The following OSBPL9 variants were observed in gnomAD, a reference collection of about 807,000 sequenced individuals.
The protein encoded by OSBPL9 is oxysterol binding protein like 9, also known as oxysterol-binding protein-related protein 9.
Under a neutral mutation model 106.6 loss-of-function variants are expected in OSBPL9, and 40 were observed. The observed-to-expected ratio is 0.38, with a 90% CI of 0.29 to 0.49. The LOEUF is 0.49. Among genes scored for constraint, OSBPL9 ranks in the 20% least tolerant of loss-of-function variants. The pLI is 0.97. For missense variants in OSBPL9, 609 were observed against 887.2 expected (o/e 0.69, Z 3.98); for synonymous variants, 269 against 295.4 (o/e 0.91, Z 0.92).
chr1:51,596,516 G>A (rs1399081137), intron 1 of OSBPL9, among the ~76,000 whole-genome samples: 5 of 138,954 alleles, frequency 3.6e-5, no homozygotes, highest in Non-Finnish European at 6.0e-5. Context: ...CCGAGAGCAC[G>A]CCACTGCACT....
chr1:51,711,032 CTT>C (rs60016006), intron 3 of OSBPL9, among the ~76,000 whole-genome samples: 2 of 144,802 alleles, frequency 1.4e-5, no homozygotes, highest in Non-Finnish European at 3.0e-5. Context: ...TCTATATTTT[CTT>C]TTTTTTTTTT....
the OSBPL9 span, chr1:51,567,505 C>G: frequency 6.6e-6 from 1 of 152,240 alleles, no homozygotes; most frequent in East Asian, 1.9e-4. Context: ...TCTCCCATGT[C>G]TAGCAGTGGG....
the OSBPL9 span, among the ~76,000 whole-genome samples, chr1:51,570,041 A>G: frequency 6.6e-6 from 1 of 152,302 alleles, no homozygotes; most frequent in South Asian, 2.1e-4. Flanking sequence ...TCTGCATACC[A>G]TGCTACCTCT....
At chr1:51,615,625 A>T (rs1644034523), upstream of OSBPL9, among the ~76,000 whole-genome samples, 2 of 152,284 alleles carry the variant, frequency 1.3e-5, no homozygotes, top group East Asian at 1.9e-4. Context: ...TAATAATTTT[A>T]AAAAAGGACA....
intron 15 of OSBPL9, among the ~76,000 whole-genome samples, chr1:51,780,003 G>A (rs1211121571): frequency 2.0e-5 from 3 of 151,656 alleles, no homozygotes; most frequent in Non-Finnish European, 4.4e-5. Context: ...GCGTGAACCC[G>A]GCAGGTGGAG....
chr1:51,722,179 A>ATAGATAGG (rs1157737923), intron 4 of OSBPL9, among the ~76,000 whole-genome samples: 1 of 150,690 alleles, frequency 6.6e-6, no homozygotes, highest in African/African-American at 2.5e-5. Flanking sequence ...AGATAGATAG[A>ATAGATAGG]TAGATAGATA....
chr1:51,564,361 T>A, the OSBPL9 span, among the ~76,000 whole-genome samples: 1 of 152,086 alleles, frequency 6.6e-6, no homozygotes, highest in Non-Finnish European at 1.5e-5. Flanking sequence ...CATGGGCCCT[T>A]ATTGTTATAA....
intron 4 of OSBPL9, among the ~76,000 whole-genome samples, chr1:51,742,019 G>A (rs1026034064): frequency 6.6e-5 from 10 of 152,168 alleles, no homozygotes; most frequent in African/African-American, 2.4e-4. Flanking sequence ...ATAGGAGAAA[G>A]AGAACAGAAA....
chr1:51,767,824 TAATG>T (rs1190907452), intron 12 of OSBPL9, among the ~76,000 whole-genome samples: 1 of 151,438 alleles, frequency 6.6e-6, no homozygotes, highest in East Asian at 1.9e-4. Context: ...GTTTTTATAA[TAATG>T]GGGTTAAAAG....
chr1:51,578,554 G>A (rs1645200021), intron 1 of OSBPL9, among the ~76,000 whole-genome samples: 1 of 152,172 alleles, frequency 6.6e-6, no homozygotes, highest in African/African-American at 2.4e-5. Context: ...ATTAGAGGTA[G>A]GGAAACTGAA....
chr1:51,520,446 C>T, the OSBPL9 span, among the ~76,000 whole-genome samples: 2 of 152,194 alleles, frequency 1.3e-5, no homozygotes, highest in Non-Finnish European at 2.9e-5. Context: ...TATACTCTGC[C>T]TTATCTGTAA....
chr1:51,666,744 C>T (rs767685476), intron 2 of OSBPL9, among the ~76,000 whole-genome samples: 1 of 152,052 alleles, frequency 6.6e-6, no homozygotes, highest in East Asian at 1.9e-4. Context: ...AGCTGGGTGA[C>T]GATAGTGGAA....
chr1:51,581,010 C>T (rs1313699345), intron 1 of OSBPL9, among the ~76,000 whole-genome samples: 3 of 133,308 alleles, frequency 2.3e-5, no homozygotes, highest in African/African-American at 8.3e-5. Flanking sequence ...AGTGGCATGA[C>T]CTTTACTCAC....
chr1:51,750,245 A>G, intron 8 of OSBPL9, 50 bp downstream of exon 8: 1 of 1,376,696 alleles, frequency 7.3e-7, no homozygotes, highest in Non-Finnish European at 1.0e-6. Context: ...TTCAAAAATT[A>G]TAATGGCGTT....
At chr1:51,755,127 G>A (rs536905380) in intron 8 of OSBPL9, among the ~76,000 whole-genome samples, 1 of 152,214 alleles carries the variant, frequency 6.6e-6, no homozygotes, top group Non-Finnish European at 1.5e-5. Flanking sequence ...CAAAGTCATG[G>A]ATGTTCTTTA....
intron 3 of OSBPL9, among the ~76,000 whole-genome samples, chr1:51,686,900 CCTT>C (rs1180297897): frequency 1.3e-5 from 2 of 152,192 alleles, no homozygotes; most frequent in Non-Finnish European, 1.5e-5. Context: ...CATATTTACT[CCTT>C]CTTTGCAGAA....
At chr1:51,544,836 GCTTTTTT>G in the OSBPL9 span, among the ~76,000 whole-genome samples, 1 of 126,688 alleles carries the variant, frequency 7.9e-6, no homozygotes, top group African/African-American at 3.1e-5. Context: ...TAAGAGACAT[GCTTTTTT>G]TTTTTTTTTT....
intron 4 of OSBPL9, among the ~76,000 whole-genome samples, chr1:51,715,378 G>A (rs1458810862): frequency 1.3e-5 from 2 of 152,184 alleles, no homozygotes; most frequent in South Asian, 2.1e-4. Context: ...AATGACTATA[G>A]CATCATTTTA....
chr1:51,779,484 C>T (rs1430434976), intron 15 of OSBPL9, among the ~76,000 whole-genome samples: 1 of 152,070 alleles, frequency 6.6e-6, no homozygotes, highest in African/African-American at 2.4e-5. Flanking sequence ...TGGACATTGG[C>T]CTAGGCAAAG....
Sources: allele counts gnomAD v4.1 joint callset (sites outside exome capture counted in the v4.1 genomes callset), GRCh38; gene constraint gnomAD v4.1.1; transcripts MANE v1.5; gene names NCBI Gene and HGNC (gene_info 2026-07-23, HGNC 2026-07-21).